The following ITPR2 variants were observed in gnomAD, a reference collection of about 807,000 sequenced individuals.
ITPR2 encodes inositol 1,4,5-trisphosphate receptor type 2, also known as inositol 1,4,5-trisphosphate-gated calcium channel ITPR2.
A neutral mutation model predicts 317.1 loss-of-function variants in ITPR2; 207 were observed. The observed-to-expected ratio is 0.65, with a 90% CI of 0.58 to 0.73. The LOEUF (loss-of-function observed/expected upper bound fraction) is 0.73, where lower values mean the gene tolerates loss of function less well. Among genes scored for constraint, ITPR2 ranks in the 30% least tolerant of loss-of-function variants. The probability of loss-of-function intolerance (pLI) is 0.00; values close to 1 mark genes in which losing one functional copy is unlikely to be tolerated. For missense variants in ITPR2, 2,613 were observed against 3,284.0 expected, an observed-to-expected ratio of 0.80 and a Z score of 4.99; for synonymous variants, 1,156 against 1,149.1, an observed-to-expected ratio of 1.01 and a Z score of -0.12.
At chr12:26,669,951 G>A (rs1365137267) in intron 13 of ITPR2, among the ~76,000 whole-genome samples, 9 of 152,336 alleles carry the variant, frequency 5.9e-5, no homozygotes, top group South Asian at 2.1e-4. Context: ...GATTGCTAAC[G>A]CAGCAGTCTG....
intron 2 of ITPR2, among the ~76,000 whole-genome samples, chr12:26,729,473 A>G (rs1001353332): frequency 2.6e-5 from 4 of 152,348 alleles, no homozygotes; most frequent in Admixed American, 2.6e-4. Context: ...AAAGGAATAT[A>G]AATCATTCTG....
intron 28 of ITPR2, among the ~76,000 whole-genome samples, chr12:26,601,690 G>A (rs1479163026): frequency 1.3e-5 from 2 of 152,184 alleles, no homozygotes; most frequent in Non-Finnish European, 2.9e-5. Flanking sequence ...AAAGTTTGAT[G>A]AAGAATGGGA....
intron 50 of ITPR2, among the ~76,000 whole-genome samples, chr12:26,417,675 C>A (rs1174868981): frequency 6.6e-6 from 1 of 152,158 alleles, no homozygotes; most frequent in East Asian, 1.9e-4. Context: ...AATTAAACCT[C>A]TTTTGTTTAT....
At chr12:26,634,044 C>T (rs1186469311) in intron 21 of ITPR2, among the ~76,000 whole-genome samples, 5 of 152,362 alleles carry the variant, frequency 3.3e-5, no homozygotes, top group East Asian at 1.9e-4. Flanking sequence ...ATTTGTAACA[C>T]ATGTCGTCAA....
intron 1 of ITPR2, among the ~76,000 whole-genome samples, chr12:26,798,043 C>G (rs1680113577): frequency 6.6e-6 from 1 of 151,958 alleles, no homozygotes; most frequent in Non-Finnish European, 1.5e-5. Flanking sequence ...ACTTGATCCC[C>G]CAACGCTGGG....
intron 2 of ITPR2, among the ~76,000 whole-genome samples, chr12:26,761,480 G>T (rs1239839143): frequency 6.6e-6 from 1 of 152,180 alleles, no homozygotes; most frequent in Non-Finnish European, 1.5e-5. Context: ...CTGATAAAGA[G>T]GTCAAAATAA....
At chr12:26,592,756 A>T (rs2137106001) in intron 32 of ITPR2, among the ~76,000 whole-genome samples, 1 of 152,354 alleles carries the variant, frequency 6.6e-6, no homozygotes, top group African/African-American at 2.4e-5. Flanking sequence ...CAGTTCTTCC[A>T]GAATGTCATA....
intron 45 of ITPR2, among the ~76,000 whole-genome samples, chr12:26,453,892 T>C (rs967935959): frequency 1.3e-5 from 2 of 152,196 alleles, no homozygotes; most frequent in African/African-American, 4.8e-5. Context: ...ATGTCCTCCA[T>C]CTAGAATGTA....
intron 46 of ITPR2, 144 bp from the exon 47 acceptor site, chr12:26,439,463 CT>C (rs1565527653): frequency 3.6e-6 from 2 of 557,206 alleles, no homozygotes; most frequent in East Asian, 6.1e-5. Flanking sequence ...TGAAAGAACC[CT>C]TTTTACTATA....
At chr12:26,730,674 T>C (rs760768520) in intron 2 of ITPR2, among the ~76,000 whole-genome samples, 8 of 152,190 alleles carry the variant, frequency 5.3e-5, no homozygotes, top group Non-Finnish European at 8.8e-5. Context: ...ATAAGAACAA[T>C]GGCTTAGAAT....
At chr12:26,761,571 A>T (rs1409249661) in intron 2 of ITPR2, among the ~76,000 whole-genome samples, 4 of 152,222 alleles carry the variant, frequency 2.6e-5, no homozygotes, top group Admixed American at 2.6e-4. Flanking sequence ...AGGTGAGAGA[A>T]TCGCTTGAGG....
intron 21 of ITPR2, among the ~76,000 whole-genome samples, chr12:26,643,787 C>T (rs143593122): frequency 8.5e-5 from 13 of 152,270 alleles, no homozygotes; most frequent in Admixed American, 3.3e-4. Flanking sequence ...GTTGACAGAA[C>T]GTCTGGTTCC....
intron 45 of ITPR2, among the ~76,000 whole-genome samples, chr12:26,459,398 G>C (rs1032690204): frequency 6.6e-6 from 1 of 152,190 alleles, no homozygotes; most frequent in African/African-American, 2.4e-5. Flanking sequence ...TCTGGCGTGT[G>C]TCTGCTTTGC....
intron 23 of ITPR2, among the ~76,000 whole-genome samples, chr12:26,624,623 G>A (rs866195792): frequency 6.6e-6 from 1 of 152,066 alleles, no homozygotes; most frequent in African/African-American, 2.4e-5. Flanking sequence ...AAACTACAAT[G>A]AGATATCATC....
At chr12:26,525,859 A>G (rs1202131172) in intron 37 of ITPR2, among the ~76,000 whole-genome samples, 1 of 152,080 alleles carries the variant, frequency 6.6e-6, no homozygotes, top group Non-Finnish European at 1.5e-5. Flanking sequence ...TTTGAACACA[A>G]TTTGTATCTA....
rs1947615039 is a variant in ITPR2, at chr12:26,665,895, C to T, written c.1551+15G>A. Reference sequence around the variant, plus strand: ...GAAAATAAAATATACAAATTTAGTACATGAAAAAATTCACCTGTGCCAGTA... The same window carrying T: ...GAAAATAAAATATACAAATTTAGTATATGAAAAAATTCACCTGTGCCAGTA... On this transcript the variant is annotated intron_variant, in intron 14 of 56. Coordinates refer to ENST00000381340, the MANE Select transcript of ITPR2 (RefSeq NM_002223.4). 1.2e-6 allele frequency: 2 copies of T among 1,600,252 alleles called. No individual in the cohort carries two copies. Among genetic ancestry groups the T allele is most frequent in the African/African-American group, 1.4e-5 (1 of 74,028 alleles).
intron 2 of ITPR2, among the ~76,000 whole-genome samples, chr12:26,746,213 CAT>C (rs1491059861): frequency 6.6e-6 from 1 of 151,672 alleles, no homozygotes; most frequent in African/African-American, 2.4e-5. Flanking sequence ...CACACACACA[CAT>C]ACACACACAC....
At chr12:26,781,466 T>C (rs1320915536) in intron 2 of ITPR2, among the ~76,000 whole-genome samples, 1 of 152,234 alleles carries the variant, frequency 6.6e-6, no homozygotes, top group African/African-American at 2.4e-5. Flanking sequence ...TAAGTATTCT[T>C]AACTTTATGT....
At chr12:26,549,497 T>G (rs1944471402) in intron 37 of ITPR2, among the ~76,000 whole-genome samples, 1 of 152,172 alleles carries the variant, frequency 6.6e-6, no homozygotes, top group African/African-American at 2.4e-5. Flanking sequence ...ATGATTAGTA[T>G]TTACCGAAAC....
Sources: allele counts gnomAD v4.1 joint callset (sites outside exome capture counted in the v4.1 genomes callset), GRCh38; gene constraint gnomAD v4.1.1; transcripts MANE v1.5; gene names NCBI Gene and HGNC (gene_info 2026-07-23, HGNC 2026-07-21).